Variants in ARHGEF10 observed in about 807,000 individuals in gnomAD.
The protein encoded by ARHGEF10 is Rho guanine nucleotide exchange factor (GEF) 10.
ARHGEF10 carries 140 observed loss-of-function variants against 147.4 expected under a neutral mutation model. The ratio of observed to expected loss-of-function variants is 0.95; its 90% CI spans 0.83 to 1.09. The LOEUF is 1.09. Among genes scored for constraint, ARHGEF10 ranks in the 50% least tolerant of loss-of-function variants. The probability of loss-of-function intolerance (pLI) is 0.00; values close to 1 mark genes in which losing one functional copy is unlikely to be tolerated. For missense variants in ARHGEF10, 2,222 were observed against 1,752.7 expected, an observed-to-expected ratio of 1.27 and a Z score of -4.78; for synonymous variants, 902 against 695.8, an observed-to-expected ratio of 1.30 and a Z score of -4.67.
chr8:1,925,447 C>G (rs200315345), intron 22 of ARHGEF10, 43 bp downstream of exon 22: 32 of 1,611,108 alleles, frequency 2.0e-5, no homozygotes, highest in Middle Eastern at 1.9e-4. Context: ...GGACGCACCT[C>G]GCAGCTCTGA....
At chr8:1,947,967 C>T (rs73182801) in intron 27 of ARHGEF10, among the ~76,000 whole-genome samples, 5 of 152,206 alleles carry the variant, frequency 3.3e-5, no homozygotes, top group Non-Finnish European at 7.4e-5. Context: ...AGAATGCAGA[C>T]CCCTTGCCGG....
rs1192277757 is a variant in ARHGEF10 at position 1,958,045 on chromosome 8, A to C, written c.*782A>C. On this transcript the variant is annotated 3_prime_UTR_variant, in exon 29 of 29. Coordinates refer to ENST00000349830, the MANE Select transcript of ARHGEF10 (RefSeq NM_014629.4). ...ATTATTCCTCCCTTCTCGTATAAAT[A>C]GAGTGACTATCCACAGGAGAAAAGT... The C allele has an allele frequency of 1.3e-5, 2 of 152,274 alleles. No homozygotes were observed. Among genetic ancestry groups the C allele is most frequent in the Non-Finnish European group, 2.9e-5 (2 of 68,056 alleles). 9.4% of individuals were successfully genotyped at this position (152,274 alleles called of 1,614,324 possible). A position where few individuals can be genotyped will look rare whatever the true frequency, so the allele number is the denominator to read the frequency against.
chr8:1,933,551 A>AG lies in ARHGEF10; in HGVS notation c.3080-243dup, dbSNP rs1373273276. On this transcript the variant is annotated intron_variant, in intron 25 of 28. Coordinates refer to ENST00000349830, the MANE Select transcript of ARHGEF10 (RefSeq NM_014629.4). Reference sequence around the variant, plus strand: ...TGGGACACACATGGAGGGGATAGGCAGGGGGGCGGGTGGGGGGTCTTGAGG... The same window carrying AG: ...TGGGACACACATGGAGGGGATAGGCAGGGGGGGCGGGTGGGGGGTCTTGAGG... Among the ~76,000 whole-genome samples, 8 of 34,660 alleles carry AG rather than the reference A, an allele frequency of 2.3e-4. No individual in the cohort carries two copies. The East Asian group carries it at 6.6e-3, about 29-fold the overall frequency. The allele number at this position is 34,660 out of a possible 152,430, so 22.7% of individuals were successfully genotyped here. A position where few individuals can be genotyped will look rare whatever the true frequency, so the allele number is the denominator to read the frequency against.
rs1343718628 is a variant in ARHGEF10, at chr8:1,857,887, T to TATCG, written c.38-70_38-69insGATC. 187 of 920,576 alleles carry TATCG rather than the reference T, an allele frequency of 2.0e-4. 1 individual carries two copies. The Admixed American group carries it at 3.5e-3, about 17-fold the overall frequency. The allele number at this position is 920,576 out of a possible 1,614,324, so 57.0% of individuals were successfully genotyped here. A position where few individuals can be genotyped will look rare whatever the true frequency, so the allele number is the denominator to read the frequency against. On this transcript the variant is annotated intron_variant, in intron 2 of 28. Transcript: ENST00000349830. ...GCTAACATAGATCGATCGATCTATC[T>TATCG]ATCTATCTATCTATCTATCTATCTA...
At chr8:1,843,285 G>C in intron 1 of ARHGEF10, 68 bp from the exon 2 acceptor site, 1 of 1,252,526 alleles carries the variant, frequency 8.0e-7, no homozygotes, top group Non-Finnish European at 1.1e-6. Flanking sequence ...TCTGTCGACA[G>C]CCCTACACCT....
At position 1,888,242 on chromosome 8, in the gene ARHGEF10, T is replaced by C. The variant is rs74802552; in HGVS notation, c.1182+2535T>C. The stretch of plus-strand genomic sequence containing the variant: ...GGTTGCGAGGAGACAGTGAGTGTGG[T>C]GAGGGTTGCGAGGAGATGCTGAGTG... On this transcript the variant is annotated intron_variant, in intron 11 of 28. Transcript: ENST00000349830. Among the ~76,000 whole-genome samples the C allele has an allele frequency of 2.5e-3, 120 of 48,712 alleles. 1 individual carries two copies. The highest frequency in any genetic ancestry group is 0.014 in the East Asian group (9 of 660). The allele number at this position is 48,712 out of a possible 152,430, so 32.0% of individuals were successfully genotyped here. A position where few individuals can be genotyped will look rare whatever the true frequency, so the allele number is the denominator to read the frequency against.
chr8:1,906,570 C>T (rs749936788), intron 17 of ARHGEF10, among the ~76,000 whole-genome samples: 1 of 152,190 alleles, frequency 6.6e-6, no homozygotes, highest in Admixed American at 6.5e-5. Flanking sequence ...TCTGCCTGCC[C>T]TCCTCACCTT....
chr8:1,833,168 AGAAGCAGAGG>A lies in ARHGEF10; in HGVS notation c.-48+9058_-48+9067del, dbSNP rs1329737675. On this transcript the variant is annotated intron_variant, in intron 1 of 28. Transcript: ENST00000349830. ...CAGAAGCAGAGACAGAGGCAGAGACAGAAGCAGAGGGAGGCAGAGACAGAAGCAGAGACAG... is the reference window on the plus strand; with the variant it reads ...CAGAAGCAGAGACAGAGGCAGAGACAGAGGCAGAGACAGAAGCAGAGACAG... 2.0e-4 allele frequency among the ~76,000 whole-genome samples: 30 copies of A among 147,720 alleles called. 1 individual carries two copies. Among genetic ancestry groups the A allele is most frequent in the Middle Eastern group, 3.4e-3 (1 of 292 alleles).
In ARHGEF10 at chr8:1,933,820, C is replaced by T. The variant is rs1813347335; in HGVS notation, c.3100C>T (p.Pro1034Ser). 1.9e-6 allele frequency: 3 copies of T among 1,614,130 alleles called. No individual in the cohort carries two copies. The highest frequency in any genetic ancestry group is 2.5e-6 in the Non-Finnish European group (3 of 1,180,022). The change falls in exon 26 of 29, where the codon CCT (proline) becomes TCT (serine). Residue 1034 changes from proline (P) to serine (S), a missense_variant. Transcript: ENST00000349830. ...TTAAGATGGATCCTGGGATTCAGAA[C>T]CTCAAAAAGTGATCAAGTTAGGCGT... ...RAPDGSWDSE[P>S]QKVIKLGVLP...
chr8:1,885,977 G>A (rs1808626205), intron 11 of ARHGEF10, among the ~76,000 whole-genome samples: 1 of 152,168 alleles, frequency 6.6e-6, no homozygotes. Context: ...CCTGAGTGTA[G>A]CTGTGAGAAA....
intron 16 of ARHGEF10, among the ~76,000 whole-genome samples, chr8:1,905,088 G>T (rs6558563): frequency 1.3e-5 from 2 of 152,156 alleles, no homozygotes; most frequent in Admixed American, 6.5e-5. Flanking sequence ...GAGATTGTGC[G>T]GCTGCACTCC....
At chr8:1,851,949 A>C (rs567626381) in intron 2 of ARHGEF10, among the ~76,000 whole-genome samples, 3 of 152,002 alleles carry the variant, frequency 2.0e-5, no homozygotes, top group East Asian at 3.9e-4. Flanking sequence ...ATGGAAATGA[A>C]TCTCTGCTGC....
rs1804081690 is a variant in ARHGEF10 at position 1,841,888 on chromosome 8, CGGCGG to C, written c.-47-1463_-47-1459del. On this transcript the variant is annotated intron_variant, in intron 1 of 28. Transcript: ENST00000349830. The stretch of plus-strand genomic sequence containing the variant: ...GGGGCCGCGGCGGGAACTGGGGCCG[CGGCGG>C]GAACTGGGGCCGCGGCGGGAACTGG... Among the ~76,000 whole-genome samples, 3 of 101,578 alleles carry C rather than the reference CGGCGG, an allele frequency of 3.0e-5. 1 individual carries two copies. Among genetic ancestry groups the C allele is most frequent in the African/African-American group, 1.2e-4 (3 of 24,678 alleles). 66.6% of individuals were successfully genotyped at this position (101,578 alleles called of 152,430 possible).
intron 1 of ARHGEF10, among the ~76,000 whole-genome samples, chr8:1,841,576 C>T (rs1410466695): frequency 6.6e-6 from 1 of 152,092 alleles, no homozygotes; most frequent in East Asian, 1.9e-4. Flanking sequence ...TGAGTGAACA[C>T]GCGGCTCCCT....
At chr8:1,933,455 C>T (rs904394241) in intron 25 of ARHGEF10, among the ~76,000 whole-genome samples, 5 of 150,496 alleles carry the variant, frequency 3.3e-5, no homozygotes, top group East Asian at 2.0e-4. Context: ...ACAACCTTTG[C>T]GGCTAGTGGT....
At chr8:1,911,601 G>C (rs961964838) in intron 18 of ARHGEF10, among the ~76,000 whole-genome samples, 2 of 152,216 alleles carry the variant, frequency 1.3e-5, no homozygotes, top group African/African-American at 4.8e-5. Context: ...CACCGTGCTT[G>C]GTGCTGGGAC....
intron 28 of ARHGEF10, among the ~76,000 whole-genome samples, chr8:1,956,012 G>A (rs146555377): frequency 9.6e-4 from 147 of 152,362 alleles, no homozygotes; most frequent in African/African-American, 3.3e-3. Flanking sequence ...AGAGTAGGAT[G>A]ATGGTGAGGG....
chr8:1,885,307 G>C (rs1190028205), intron 10 of ARHGEF10, among the ~76,000 whole-genome samples: 1 of 152,186 alleles, frequency 6.6e-6, no homozygotes, highest in Non-Finnish European at 1.5e-5. Context: ...AAAACACTAA[G>C]ATTCCAAAAT....
Position 1,929,446 on chromosome 8 carries a change from G to A in ARHGEF10, c.3079+3G>A. The A allele has an allele frequency of 6.2e-7, 1 of 1,603,808 alleles. No homozygotes were observed. Among genetic ancestry groups the A allele is most frequent in the African/African-American group, 1.3e-5 (1 of 74,646 alleles). On this transcript the variant is annotated splice_donor_region_variant and intron_variant, in intron 25 of 28. Coordinates refer to ENST00000349830, the MANE Select transcript of ARHGEF10 (RefSeq NM_014629.4). ...CGCCAGCTACGCCAGAGCCCCAGGTGAGGCGGGTCTCACGGCCTCCTGGCC... is the reference window on the plus strand; with the variant it reads ...CGCCAGCTACGCCAGAGCCCCAGGTAAGGCGGGTCTCACGGCCTCCTGGCC...
Sources: allele counts gnomAD v4.1 joint callset (sites outside exome capture counted in the v4.1 genomes callset), GRCh38; gene constraint gnomAD v4.1.1; transcripts MANE v1.5; gene names NCBI Gene and HGNC (gene_info 2026-07-23, HGNC 2026-07-21).